The following STAU1 variants were observed in gnomAD, a reference collection of about 807,000 sequenced individuals.
STAU1 encodes the protein double-stranded RNA-binding protein Staufen homolog 1.
In STAU1, 13 loss-of-function variants were observed where a neutral mutation model predicts 62.9. That is an observed-to-expected ratio of 0.21 (90% CI 0.13 to 0.33). The LOEUF (loss-of-function observed/expected upper bound fraction) is 0.33, where lower values mean the gene tolerates loss of function less well. STAU1 is among the 10% of genes least tolerant of loss of function. The pLI, the probability that STAU1 is intolerant of heterozygous loss-of-function variation, is 1.00. For missense variants in STAU1, 571 were observed against 712.1 expected, an observed-to-expected ratio of 0.80 and a Z score of 2.25; for synonymous variants, 269 against 265.1, an observed-to-expected ratio of 1.01 and a Z score of -0.14.
chr20:49,196,459 AAGAAGAAG>A, the STAU1 span, among the ~76,000 whole-genome samples: 1 of 144,746 alleles, frequency 6.9e-6, no homozygotes, highest in African/African-American at 2.6e-5. Context: ...AAAAAAAAAA[AAGAAGAAG>A]AAGAAGAAGA....
chr20:49,134,838 C>CTG, intron 6 of STAU1: 1 of 1,528,228 alleles, frequency 6.5e-7, no homozygotes, highest in Non-Finnish European at 9.1e-7. Flanking sequence ...TATACCAAAC[C>CTG]TGCAAACAAA....
the STAU1 span, among the ~76,000 whole-genome samples, chr20:49,199,105 C>T: frequency 2.0e-5 from 3 of 150,980 alleles, no homozygotes; most frequent in African/African-American, 7.3e-5. Context: ...GAGATCGTGC[C>T]ACTGCACTCC....
chr20:49,217,262 T>G, the STAU1 span, among the ~76,000 whole-genome samples: 1 of 151,978 alleles, frequency 6.6e-6, no homozygotes, highest in African/African-American at 2.4e-5. Context: ...TCCCGCTTCC[T>G]CCTCCAGTGC....
At chr20:49,158,301 A>T in intron 3 of STAU1, 2 of 608,178 alleles carry the variant, frequency 3.3e-6, no homozygotes, top group Non-Finnish European at 5.0e-6. Flanking sequence ...AGAAAAAATT[A>T]ATTGAAGCTT....
chr20:49,160,893 G>T (rs561708423), intron 3 of STAU1, among the ~76,000 whole-genome samples: 1 of 152,276 alleles, frequency 6.6e-6, no homozygotes, highest in African/African-American at 2.4e-5. Context: ...CAAACAAGCA[G>T]GAGAGGAGCC....
At chr20:49,153,753 A>G (rs1438788680) in intron 4 of STAU1, among the ~76,000 whole-genome samples, 180 bp downstream of exon 4, 2 of 150,048 alleles carry the variant, frequency 1.3e-5, no homozygotes, top group African/African-American at 4.9e-5. Context: ...GAAAGAAAGA[A>G]AAAAAAGAAA....
chr20:49,186,531 A>C (rs777558481), intron 1 of STAU1, among the ~76,000 whole-genome samples: 5 of 152,102 alleles, frequency 3.3e-5, no homozygotes, highest in African/African-American at 1.2e-4. Context: ...AAGATACAGG[A>C]GGATCACTCA....
At chr20:49,177,840 T>C (rs565777339) in intron 1 of STAU1, among the ~76,000 whole-genome samples, 13 of 152,120 alleles carry the variant, frequency 8.5e-5, no homozygotes, top group Admixed American at 6.5e-4. Flanking sequence ...CAGCAGTCAT[T>C]TGGATCTCAA....
At chr20:49,145,055 G>T (rs984528661) in intron 5 of STAU1, among the ~76,000 whole-genome samples, 8 of 152,166 alleles carry the variant, frequency 5.3e-5, no homozygotes, top group Admixed American at 4.6e-4. Flanking sequence ...CTTTCTCTCA[G>T]TTCTTTGTAA....
intron 5 of STAU1, among the ~76,000 whole-genome samples, chr20:49,140,650 G>C (rs1029893817): frequency 6.6e-6 from 1 of 152,176 alleles, no homozygotes; most frequent in Non-Finnish European, 1.5e-5. Context: ...GAGCAAGGGA[G>C]TGGGGAGTAA....
rs1299242480 is a variant in STAU1 at position 49,117,060 on chromosome 20, G to A, written c.1632+66C>T. 6 of 1,595,380 alleles carry A rather than the reference G, an allele frequency of 3.8e-6. No homozygotes were observed. The highest frequency in any genetic ancestry group is 5.1e-6 in the Non-Finnish European group (6 of 1,169,246). On this transcript the variant is annotated intron_variant, in intron 12 of 13. Transcript: ENST00000371856. This position sits in a 1 kb window ranked among gnomAD's most constrained non-coding sequence, Gnocchi z 4.6. ...CCCATCTTCCTCAGGCTAGTAACAA[G>A]CTGAACCAAGGCAGGCTCCACATAA...
At chr20:49,121,475 A>AGTAT in intron 8 of STAU1, among the ~76,000 whole-genome samples, 1 of 152,188 alleles carries the variant, frequency 6.6e-6, no homozygotes, top group Middle Eastern at 3.2e-3. Flanking sequence ...TCAAATCTAC[A>AGTAT]GTATGTATTT....
At chr20:49,153,024 G>T (rs1264472847) in intron 4 of STAU1, among the ~76,000 whole-genome samples, 2 of 151,596 alleles carry the variant, frequency 1.3e-5, no homozygotes, top group African/African-American at 4.9e-5. Context: ...GCCGAGGTGG[G>T]CGGATCATGA....
chr20:49,205,581 G>A, the STAU1 span, among the ~76,000 whole-genome samples: 1 of 151,640 alleles, frequency 6.6e-6, no homozygotes, highest in Non-Finnish European at 1.5e-5. Context: ...GGTCAGGCTG[G>A]TCTCGAACTT....
Position 49,177,714 on chromosome 20 carries a change from A to G in STAU1, c.-159-3445T>C, listed in dbSNP as rs144196799. ...AAAAAATTTTAAAACACACATAAAA[A>G]AAGCTAAATATAAGAACGGAAAAAG... On this transcript the variant is annotated intron_variant, in intron 1 of 13. Coordinates refer to ENST00000371856, the MANE Select transcript of STAU1 (RefSeq NM_017453.4). Among the ~76,000 whole-genome samples the G allele has an allele frequency of 1.3e-3, 200 of 152,244 alleles. 3 individuals carry two copies. The highest frequency in any genetic ancestry group is 6.8e-3 in the Middle Eastern group (2 of 294).
chr20:49,214,698 A>G, the STAU1 span, among the ~76,000 whole-genome samples: 1 of 152,196 alleles, frequency 6.6e-6, no homozygotes, highest in Admixed American at 6.5e-5. Flanking sequence ...TCATAGAGTC[A>G]TGAGGATTAA....
chr20:49,189,333 G>T (rs568228733), upstream of STAU1, among the ~76,000 whole-genome samples: 7 of 149,364 alleles, frequency 4.7e-5, no homozygotes, highest in African/African-American at 1.7e-4. Flanking sequence ...TTGGAGAGAG[G>T]GTGGCCAGTA....
At chr20:49,170,169 T>C (rs2093578743) in intron 2 of STAU1, among the ~76,000 whole-genome samples, 2 of 152,184 alleles carry the variant, frequency 1.3e-5, no homozygotes, top group Non-Finnish European at 2.9e-5. Flanking sequence ...TAGACCATAC[T>C]GAGCACAGTC....
Position 49,113,550 on chromosome 20 carries a change from A to G in STAU1, c.*1328T>C, listed in dbSNP as rs750870503. The G allele has an allele frequency of 6.6e-6, 1 of 152,646 alleles. No homozygotes were observed. Among genetic ancestry groups the G allele is most frequent in the Non-Finnish European group, 1.5e-5 (1 of 68,040 alleles). 9.5% of individuals were successfully genotyped at this position (152,646 alleles called of 1,614,324 possible). A position where few individuals can be genotyped will look rare whatever the true frequency, so the allele number is the denominator to read the frequency against. Reference sequence around the variant, plus strand: ...TAGTATTACCATTTATTGATGACAAACACTTAAGTTTTACTTACATTCCAT... The same window carrying G: ...TAGTATTACCATTTATTGATGACAAGCACTTAAGTTTTACTTACATTCCAT... On this transcript the variant is annotated 3_prime_UTR_variant, in exon 14 of 14. Transcript: ENST00000371856.
Sources: allele counts gnomAD v4.1 joint callset (sites outside exome capture counted in the v4.1 genomes callset), GRCh38; gene constraint gnomAD v4.1.1; non-coding constraint Gnocchi (gnomAD v3.1); transcripts MANE v1.5; gene names NCBI Gene and HGNC (gene_info 2026-07-23, HGNC 2026-07-21).